The following WWOX variants were observed in gnomAD, a reference collection of about 807,000 sequenced individuals.
WWOX encodes the protein WW domain containing oxidoreductase.
In WWOX, 69 loss-of-function variants were observed where a neutral mutation model predicts 46.2. The ratio of observed to expected loss-of-function variants is 1.49; its 90% CI spans 1.23 to 1.82. The LOEUF is 1.82. Ranked by LOEUF, WWOX falls within the 40% of genes most tolerant of loss-of-function variation. The pLI, the probability that WWOX is intolerant of heterozygous loss-of-function variation, is 0.00. For synonymous variants in WWOX, 359 were observed against 202.6 expected, an observed-to-expected ratio of 1.77 and a Z score of -6.56; for missense variants, 919 against 542.6, an observed-to-expected ratio of 1.69 and a Z score of -6.89.
chr16:78,656,192 G>A (rs1042712143), intron 8 of WWOX, among the ~76,000 whole-genome samples: 2 of 152,100 alleles, frequency 1.3e-5, no homozygotes, highest in Non-Finnish European at 1.5e-5. Context: ...GTGGGTGGGT[G>A]TGTGTGAAAG....
intron 8 of WWOX, chr16:78,534,420 A>G (rs1173324368): frequency 6.6e-6 from 1 of 152,234 alleles, no homozygotes; most frequent in African/African-American, 2.4e-5. Flanking sequence ...TGAGAGGCTC[A>G]TGGTGAAAGA....
At chr16:78,871,180 T>C (rs1486115199) in intron 8 of WWOX, among the ~76,000 whole-genome samples, 1 of 152,038 alleles carries the variant, frequency 6.6e-6, no homozygotes, top group African/African-American at 2.4e-5. Flanking sequence ...GTTGTTTTTT[T>C]TTTTTTTTTA....
In WWOX at chr16:78,243,109, T is replaced by A. The variant is rs185273173; in HGVS notation, c.516+78820T>A. ...CCATTCTTCCACTGTCATCCCATGATGCTCTCTTGCATTTTAAAGTTTGGA... is the reference window on the plus strand; with the variant it reads ...CCATTCTTCCACTGTCATCCCATGAAGCTCTCTTGCATTTTAAAGTTTGGA... On this transcript the variant is annotated intron_variant, in intron 5 of 8. Transcript: ENST00000566780. 1.7e-3 allele frequency among the ~76,000 whole-genome samples: 262 copies of A among 152,342 alleles called. 1 individual carries two copies. The highest frequency in any genetic ancestry group is 6.1e-3 in the African/African-American group (255 of 41,574).
chr16:79,141,987 G>C (rs977894969), intron 8 of WWOX, among the ~76,000 whole-genome samples: 4 of 152,226 alleles, frequency 2.6e-5, no homozygotes, highest in Non-Finnish European at 5.9e-5. Context: ...TCTACACGGT[G>C]TTCTCCAAAC....
At chr16:78,768,888 T>G (rs917113955) in intron 8 of WWOX, among the ~76,000 whole-genome samples, 2 of 152,170 alleles carry the variant, frequency 1.3e-5, no homozygotes, top group African/African-American at 2.4e-5. Context: ...TGCCGTTGTT[T>G]GTAAGCAGGA....
chr16:78,998,912 C>T (rs1188987547), intron 8 of WWOX, among the ~76,000 whole-genome samples: 1 of 152,198 alleles, frequency 6.6e-6, no homozygotes, highest in Non-Finnish European at 1.5e-5. Flanking sequence ...ATTGCCTATG[C>T]ATGTATAAAT....
chr16:79,025,855 A>G (rs35963664), intron 8 of WWOX, among the ~76,000 whole-genome samples: 3 of 140,882 alleles, frequency 2.1e-5, no homozygotes, highest in African/African-American at 8.1e-5. Flanking sequence ...CTGGAGTGCA[A>G]CGGCACAATC....
intron 8 of WWOX, among the ~76,000 whole-genome samples, chr16:78,922,454 C>G (rs1028342306): frequency 6.6e-6 from 1 of 150,790 alleles, no homozygotes; most frequent in African/African-American, 2.4e-5. Context: ...CCTTGGCTCA[C>G]TGCAATTTCT....
intron 8 of WWOX, among the ~76,000 whole-genome samples, chr16:78,804,716 T>G (rs900819366): frequency 2.0e-5 from 3 of 152,234 alleles, no homozygotes; most frequent in African/African-American, 7.2e-5. Flanking sequence ...TGCTTGATAG[T>G]TTTTTATGTG....
chr16:78,711,045 C>T (rs4888827), intron 8 of WWOX, among the ~76,000 whole-genome samples: 5 of 152,154 alleles, frequency 3.3e-5, no homozygotes, highest in Admixed American at 2.0e-4. Flanking sequence ...AACCAACACC[C>T]GACAGGCATC....
At chr16:78,795,461 A>C (rs557895231) in intron 8 of WWOX, among the ~76,000 whole-genome samples, 3 of 151,654 alleles carry the variant, frequency 2.0e-5, no homozygotes, top group Non-Finnish European at 4.4e-5. Flanking sequence ...CTTGTCTTCA[A>C]CCTCCATCTA....
chr16:78,237,682 T>A (rs921929901), intron 5 of WWOX: 2 of 152,042 alleles, frequency 1.3e-5, no homozygotes, highest in East Asian at 3.9e-4. Flanking sequence ...TTTTCAATCA[T>A]CTGCAAAAAA....
intron 8 of WWOX, among the ~76,000 whole-genome samples, chr16:78,900,567 T>C (rs907811545): frequency 6.6e-6 from 1 of 152,190 alleles, no homozygotes; most frequent in African/African-American, 2.4e-5. Context: ...TTTCGTGGCC[T>C]TCAGGTTATT....
At chr16:78,298,036 T>C (rs1055908597) in intron 5 of WWOX, among the ~76,000 whole-genome samples, 2 of 152,128 alleles carry the variant, frequency 1.3e-5, no homozygotes, top group African/African-American at 4.8e-5. Flanking sequence ...GCGGGGCTTT[T>C]CCCCACTTTG....
chr16:78,432,074 A>G (rs375417521), intron 7 of WWOX, among the ~76,000 whole-genome samples: 1 of 151,308 alleles, frequency 6.6e-6, no homozygotes, highest in African/African-American at 2.4e-5. Context: ...GTTTTGATGT[A>G]TGTAAGATTG....
chr16:78,435,051 C>G (rs1464978887), intron 8 of WWOX, among the ~76,000 whole-genome samples: 3 of 152,130 alleles, frequency 2.0e-5, no homozygotes, highest in Non-Finnish European at 4.4e-5. Flanking sequence ...GGGAGTATCT[C>G]TAAAAAATAC....
chr16:78,152,385 T>C (rs1337558765), intron 4 of WWOX, among the ~76,000 whole-genome samples: 1 of 111,022 alleles, frequency 9.0e-6, no homozygotes. Context: ...CTCCCACATA[T>C]TTGCAAGTCT....
At chr16:78,115,873 G>C (rs965446929) in intron 4 of WWOX, among the ~76,000 whole-genome samples, 1 of 152,138 alleles carries the variant, frequency 6.6e-6, no homozygotes, top group African/African-American at 2.4e-5. Flanking sequence ...CTTCAGATTT[G>C]TCGACATATG....
At chr16:78,147,611 A>C (rs1172719150) in intron 4 of WWOX, among the ~76,000 whole-genome samples, 1 of 149,700 alleles carries the variant, frequency 6.7e-6, no homozygotes, top group East Asian at 2.0e-4. Flanking sequence ...AAAGTAATAT[A>C]CCACTTTTCG....
Sources: allele counts gnomAD v4.1 joint callset (sites outside exome capture counted in the v4.1 genomes callset), GRCh38; gene constraint gnomAD v4.1.1; transcripts MANE v1.5; gene names NCBI Gene and HGNC (gene_info 2026-07-23, HGNC 2026-07-21).